The following CSMD2 variants were observed in gnomAD, a reference collection of about 807,000 sequenced individuals.
CSMD2 encodes the protein CUB and Sushi multiple domains 2.
A neutral mutation model predicts 398.5 loss-of-function variants in CSMD2; 130 were observed. The observed-to-expected ratio is 0.33, with a 90% CI of 0.28 to 0.38. The LOEUF (loss-of-function observed/expected upper bound fraction) is 0.38. Among genes scored for constraint, CSMD2 ranks in the 10% least tolerant of loss-of-function variants. The pLI is 1.00. For synonymous variants in CSMD2, 1,828 were observed against 1,908.5 expected (o/e 0.96, Z 1.10); for missense variants, 3,829 against 4,764.9 (o/e 0.80, Z 5.78).
intron 3 of CSMD2, among the ~76,000 whole-genome samples, chr1:33,989,064 A>C (rs1186880303): frequency 5.0e-5 from 6 of 120,482 alleles, no homozygotes; most frequent in Non-Finnish European, 1.1e-4. Flanking sequence ...ATATATATAT[A>C]TATATGGATG....
rs957157394 is a variant in CSMD2, at chr1:34,002,840, TA to T, written c.517+29753del. 1.4e-3 allele frequency among the ~76,000 whole-genome samples: 214 copies of T among 150,874 alleles called. 1 individual carries two copies. The highest frequency in any genetic ancestry group is 2.4e-3 in the Non-Finnish European group (161 of 67,628). On this transcript the variant is annotated intron_variant, in intron 3 of 70. Coordinates refer to ENST00000373381, the MANE Select transcript of CSMD2 (RefSeq NM_001281956.2). ...ACATCTGTTAATGGAAAAGATAAATTAAAAAAAAAATTTAAAGTGGTTTGCA... is the reference window on the plus strand; with the variant it reads ...ACATCTGTTAATGGAAAAGATAAATTAAAAAAAAATTTAAAGTGGTTTGCA...
At chr1:33,615,092 A>C (rs796406564) in intron 39 of CSMD2, among the ~76,000 whole-genome samples, 45 of 152,292 alleles carry the variant, frequency 3.0e-4, no homozygotes, top group African/African-American at 1.1e-3. Flanking sequence ...GCTCTTCTCA[A>C]ATATATATTT....
intron 13 of CSMD2, among the ~76,000 whole-genome samples, chr1:33,753,162 A>T (rs928266107): frequency 1.3e-5 from 2 of 152,254 alleles, no homozygotes; most frequent in Admixed American, 6.5e-5. Context: ...GATTAGCATT[A>T]CTGAAAGGGA....
At chr1:33,725,643 C>A in intron 16 of CSMD2, 107 bp from the exon 17 acceptor site, 2 of 982,516 alleles carry the variant, frequency 2.0e-6, no homozygotes, top group Non-Finnish European at 3.1e-6. Flanking sequence ...CAGATTTTGG[C>A]AGGCTGGGAT....
At chr1:33,672,003 T>C (rs1273574844) in intron 25 of CSMD2, among the ~76,000 whole-genome samples, 1 of 148,586 alleles carries the variant, frequency 6.7e-6, no homozygotes, top group Non-Finnish European at 1.5e-5. Flanking sequence ...CAAAGGGGGG[T>C]GGAGCCAAGA....
At chr1:34,032,095 G>A (rs1448703516) in intron 3 of CSMD2, among the ~76,000 whole-genome samples, 1 of 152,086 alleles carries the variant, frequency 6.6e-6, no homozygotes, top group Admixed American at 6.5e-5. Context: ...CAAATTATTT[G>A]CATAGCACAA....
At chr1:33,743,855 C>A (rs1413344214) in intron 13 of CSMD2, among the ~76,000 whole-genome samples, 1 of 152,144 alleles carries the variant, frequency 6.6e-6, no homozygotes, top group East Asian at 1.9e-4. Context: ...TTCTCTTGGC[C>A]CCTCTCCCCT....
intron 25 of CSMD2, among the ~76,000 whole-genome samples, chr1:33,683,826 G>A (rs984762775): frequency 6.6e-5 from 10 of 152,216 alleles, no homozygotes; most frequent in African/African-American, 2.4e-4. Flanking sequence ...ATCTGACAAA[G>A]GAATACCCCA....
At chr1:33,996,956 C>A (rs533326987) in intron 3 of CSMD2, among the ~76,000 whole-genome samples, 1 of 152,110 alleles carries the variant, frequency 6.6e-6, no homozygotes, top group Non-Finnish European at 1.5e-5. Flanking sequence ...CAGAATAATC[C>A]TTTGAGAGAA....
chr1:33,626,401 A>G, intron 33 of CSMD2, 85 bp downstream of exon 33: 1 of 908,316 alleles, frequency 1.1e-6, no homozygotes, highest in East Asian at 2.7e-5. Flanking sequence ...CTCAGACTAG[A>G]GGTCAAAGAT....
chr1:33,739,089 C>A (rs747091023), intron 15 of CSMD2, 51 bp downstream of exon 15: 1 of 1,559,244 alleles, frequency 6.4e-7, no homozygotes. Flanking sequence ...CTCCCCCTCC[C>A]CAGCCTCTCT....
At chr1:34,156,324 T>C (rs1640803123) in intron 1 of CSMD2, among the ~76,000 whole-genome samples, 2 of 151,772 alleles carry the variant, frequency 1.3e-5, no homozygotes. Flanking sequence ...AGGGTTGGGG[T>C]CAGGCAGCAA....
intron 2 of CSMD2, among the ~76,000 whole-genome samples, chr1:34,037,652 C>G (rs1423231234): frequency 6.6e-6 from 1 of 152,198 alleles, no homozygotes; most frequent in Non-Finnish European, 1.5e-5. Flanking sequence ...GGGTGCCCTT[C>G]CCAGACACTC....
intron 52 of CSMD2, 61 bp from the exon 53 acceptor site, chr1:33,567,902 C>T (rs1267494996): frequency 6.6e-7 from 1 of 1,525,512 alleles, no homozygotes; most frequent in Non-Finnish European, 8.8e-7. Context: ...CTTTTCCCAC[C>T]TCTCCCTGAG....
At chr1:34,105,287 G>A (rs758287076) in intron 1 of CSMD2, among the ~76,000 whole-genome samples, 9 of 152,122 alleles carry the variant, frequency 5.9e-5, no homozygotes, top group Non-Finnish European at 1.2e-4. Flanking sequence ...GTTTAGCAGC[G>A]TCCCTGACCT....
chr1:33,710,720 G>A (rs1041865702), intron 21 of CSMD2, among the ~76,000 whole-genome samples: 2 of 150,524 alleles, frequency 1.3e-5, no homozygotes, highest in African/African-American at 2.5e-5. Context: ...AGCCAGGAGC[G>A]TACTAGGCTG....
intron 15 of CSMD2, among the ~76,000 whole-genome samples, chr1:33,729,692 T>C (rs1646659755): frequency 6.6e-6 from 1 of 151,612 alleles, no homozygotes; most frequent in African/African-American, 2.4e-5. Context: ...TTAAATGCAA[T>C]GTCTCTTTCA....
At position 33,748,082 on chromosome 1, in the gene CSMD2, C is replaced by T. The variant is rs1647632988; in HGVS notation, c.1847-4476G>A. On this transcript the variant is annotated intron_variant, in intron 13 of 70. Coordinates refer to ENST00000373381, the MANE Select transcript of CSMD2 (RefSeq NM_001281956.2). ...GAAGGAGACAGGGCTGATAAACTGA[C>T]ACTCTTAGAACAAGAATGTGGCCTT... is the stretch of plus-strand genomic sequence containing the variant. Among the ~76,000 whole-genome samples, 7 of 152,282 alleles carry T rather than the reference C, an allele frequency of 4.6e-5. No homozygotes were observed. The Middle Eastern group carries it at 0.014, about 296-fold the overall frequency.
At chr1:33,996,912 A>G (rs1646744494) in intron 3 of CSMD2, among the ~76,000 whole-genome samples, 2 of 152,182 alleles carry the variant, frequency 1.3e-5, no homozygotes, top group Non-Finnish European at 2.9e-5. Context: ...TGCATCTGGC[A>G]CAGTTCTTTG....
Sources: allele counts gnomAD v4.1 joint callset (sites outside exome capture counted in the v4.1 genomes callset), GRCh38; gene constraint gnomAD v4.1.1; transcripts MANE v1.5; gene names NCBI Gene and HGNC (gene_info 2026-07-23, HGNC 2026-07-21).